RAB30: variants seen among roughly 807,000 people sequenced by gnomAD.
The protein encoded by RAB30 is ras-related protein Rab-30.
RAB30 carries 9 observed loss-of-function variants against 25.1 expected under a neutral mutation model. The observed-to-expected ratio is 0.36, with a 90% confidence interval of 0.22 to 0.63. The LOEUF (loss-of-function observed/expected upper bound fraction) is 0.63. Ranked by LOEUF, RAB30 falls within the 20% of genes least tolerant of loss-of-function variation. The probability of loss-of-function intolerance (pLI) is 0.69; values close to 1 mark genes in which losing one functional copy is unlikely to be tolerated. For missense variants in RAB30, 140 were observed against 243.5 expected (o/e 0.58, Z 2.83); for synonymous variants, 77 against 86.4 (o/e 0.89, Z 0.60).
At chr11:83,016,947 C>G (rs1283328156) in intron 1 of RAB30, among the ~76,000 whole-genome samples, 1 of 152,136 alleles carries the variant, frequency 6.6e-6, no homozygotes, top group Non-Finnish European at 1.5e-5. Context: ...GTTGCCCTTT[C>G]ATGTTCAGAA....
chr11:82,983,685 C>T (rs566341638), intron 4 of RAB30, among the ~76,000 whole-genome samples: 3 of 152,122 alleles, frequency 2.0e-5, no homozygotes, highest in African/African-American at 4.8e-5. Context: ...CCACCTGCCT[C>T]GGCCTCCAGA....
intron 1 of RAB30, among the ~76,000 whole-genome samples, chr11:83,050,512 A>C (rs552891142): frequency 6.6e-6 from 1 of 152,314 alleles, no homozygotes; most frequent in African/African-American, 2.4e-5. Context: ...AGGCAGTAAG[A>C]GTTAAGAAGG....
At position 82,976,010 on chromosome 11, in the gene RAB30, G is replaced by C. The variant is rs1418279934; in HGVS notation, c.*6155C>G. ...TTTCAGTTCTAAGATTAAGCTTCCT[G>C]ATAATGAGTTTACAACCCTGGAATT... On this transcript the variant is annotated 3_prime_UTR_variant, in exon 5 of 5. Coordinates refer to ENST00000527633, the MANE Select transcript of RAB30 (RefSeq NM_001286060.2). The C allele has an allele frequency of 1.3e-5, 2 of 152,164 alleles. No individual in the cohort carries two copies. The highest frequency in any genetic ancestry group is 3.8e-4 in the East Asian group (2 of 5,200). 9.4% of individuals were successfully genotyped at this position (152,164 alleles called of 1,614,324 possible).
At chr11:82,992,186 G>C (rs1036811961) in intron 3 of RAB30, 3 of 380,462 alleles carry the variant, frequency 7.9e-6, no homozygotes, top group South Asian at 5.9e-5. Flanking sequence ...GCTACAAAAG[G>C]CTCCTCCCAT....
intron 1 of RAB30, among the ~76,000 whole-genome samples, chr11:83,023,995 C>A (rs1857650087): frequency 6.6e-6 from 1 of 152,144 alleles, no homozygotes; most frequent in Admixed American, 6.6e-5. Flanking sequence ...TGCAGTTACC[C>A]CACTGCTCAC....
chr11:83,042,686 T>C (rs907163686), intron 1 of RAB30, among the ~76,000 whole-genome samples: 4 of 152,224 alleles, frequency 2.6e-5, no homozygotes, highest in African/African-American at 9.7e-5. Flanking sequence ...CAAACTAAAA[T>C]TATGTGCCTC....
rs186275488 is a variant in RAB30 at position 82,982,732 on chromosome 11, C to T, written c.362-317G>A. On this transcript the variant is annotated intron_variant, in intron 4 of 4. Transcript: ENST00000527633. ...CAAAAATTAGCCAGGTGTGGTGGCA[C>T]GCACCTGTAGTCCCAGCTACTTGGG... Among the ~76,000 whole-genome samples the T allele has an allele frequency of 8.5e-5, 13 of 152,088 alleles. No homozygotes were observed. In the East Asian group the frequency reaches 1.5e-3, roughly 18 times the overall value.
intron 1 of RAB30, among the ~76,000 whole-genome samples, chr11:83,059,739 G>A (rs539280557): frequency 6.6e-6 from 1 of 152,148 alleles, no homozygotes; most frequent in Non-Finnish European, 1.5e-5. Context: ...TACTTTATCA[G>A]ATTGCTTTTG....
chr11:83,031,865 T>G (rs1376611039), intron 1 of RAB30, among the ~76,000 whole-genome samples: 1 of 152,184 alleles, frequency 6.6e-6, no homozygotes, highest in African/African-American at 2.4e-5. Context: ...AATGCATAGG[T>G]AAACTTAGTC....
chr11:82,983,550 G>C (rs2121431687), intron 4 of RAB30, among the ~76,000 whole-genome samples: 1 of 152,140 alleles, frequency 6.6e-6, no homozygotes, highest in South Asian at 2.1e-4. Flanking sequence ...TCCCACCTCA[G>C]CCTCCCAAGT....
chr11:83,004,998 G>A (rs1857157031), intron 1 of RAB30, among the ~76,000 whole-genome samples: 2 of 152,100 alleles, frequency 1.3e-5, no homozygotes, highest in Admixed American at 1.3e-4. Context: ...TCATGTTATT[G>A]CAAGTTAATT....
At chr11:83,000,636 G>A (rs1225968366) in intron 1 of RAB30, among the ~76,000 whole-genome samples, 1 of 152,116 alleles carries the variant, frequency 6.6e-6, no homozygotes, top group African/African-American at 2.4e-5. Context: ...ATCTTTGCTG[G>A]AGGTCAAAGA....
intron 4 of RAB30, among the ~76,000 whole-genome samples, chr11:82,982,990 C>T (rs7931613): frequency 0.57 from 86,729 of 151,692 alleles, 25,328 homozygotes; most frequent in African/African-American, 0.72. Context: ...TATTTGCTGC[C>T]ATAAAAATCA....
rs577178427 is a variant in RAB30, at chr11:83,005,455, A to G, written c.-8-8131T>C. Among the ~76,000 whole-genome samples the G allele has an allele frequency of 1.8e-4, 28 of 152,330 alleles. 1 individual carries two copies. The South Asian group carries it at 4.6e-3, about 25-fold the overall frequency. On this transcript the variant is annotated intron_variant, in intron 1 of 4. Coordinates refer to ENST00000527633, the MANE Select transcript of RAB30 (RefSeq NM_001286060.2). ...AATATTCCCATTATACAGATAAGAA[A>G]ACTGAGGTTCAGAGAGATTAATTAG...
chr11:83,060,030 G>C (rs1447469736), intron 1 of RAB30: 2 of 152,092 alleles, frequency 1.3e-5, no homozygotes, highest in African/African-American at 4.8e-5. Context: ...GACCAACATT[G>C]TGAAACCCCA....
chr11:82,994,233 G>A (rs1856914755), intron 2 of RAB30, 111 bp from the exon 3 acceptor site: 1 of 870,510 alleles, frequency 1.1e-6, no homozygotes, highest in Non-Finnish European at 1.8e-6. Context: ...CAGCTGAGGT[G>A]ACTGGTAGAA....
intron 4 of RAB30, 138 bp from the exon 5 acceptor site, chr11:82,982,553 T>C (rs752752907): frequency 2.1e-6 from 2 of 950,074 alleles, no homozygotes; most frequent in Non-Finnish European, 3.1e-6. Context: ...CTGTGATTAC[T>C]GAAATGTTTA....
intron 1 of RAB30, among the ~76,000 whole-genome samples, chr11:83,033,882 A>T (rs1417632063): frequency 6.6e-6 from 1 of 150,460 alleles, no homozygotes; most frequent in East Asian, 1.9e-4. Flanking sequence ...CAAATGAAAA[A>T]AAAACCAAAC....
intron 1 of RAB30, among the ~76,000 whole-genome samples, chr11:83,067,292 C>G (rs117452437): frequency 7.6e-4 from 115 of 152,190 alleles, no homozygotes; most frequent in Admixed American, 2.2e-3. Flanking sequence ...CTGTTGTTTT[C>G]CATGCTGGGG....
Sources: allele counts gnomAD v4.1 joint callset (sites outside exome capture counted in the v4.1 genomes callset), GRCh38; gene constraint gnomAD v4.1.1; transcripts MANE v1.5; gene names NCBI Gene and HGNC (gene_info 2026-07-23, HGNC 2026-07-21).